DLG2: variants seen among roughly 807,000 people sequenced by gnomAD.
The protein encoded by DLG2 is disks large homolog 2.
Under a neutral mutation model 132.5 loss-of-function variants are expected in DLG2, and 45 were observed. That is an observed-to-expected ratio of 0.34 (90% CI 0.27 to 0.44). The LOEUF (loss-of-function observed/expected upper bound fraction) is 0.44, where lower values mean the gene tolerates loss of function less well. Among genes scored for constraint, DLG2 ranks in the 20% least tolerant of loss-of-function variants. The pLI is 1.00. For missense variants in DLG2, 1,045 were observed against 1,196.9 expected, an observed-to-expected ratio of 0.87 and a Z score of 1.87; for synonymous variants, 424 against 419.6, an observed-to-expected ratio of 1.01 and a Z score of -0.13.
chr11:84,223,264 G>A (rs756161854), intron 8 of DLG2, among the ~76,000 whole-genome samples: 2 of 152,130 alleles, frequency 1.3e-5, no homozygotes, highest in African/African-American at 2.4e-5. Flanking sequence ...TCATGGAATC[G>A]AGTAAAATGC....
chr11:85,059,363 A>AC lies in DLG2; in HGVS notation c.357+52297dup, dbSNP rs1239114093. On this transcript the variant is annotated intron_variant, in intron 6 of 27. Coordinates refer to ENST00000376104, the MANE Select transcript of DLG2 (RefSeq NM_001142699.3). ...TTTGGAAAACTCTATAAAATTTTCTACTACAGTTAAACATATGCTTATTCT... is the reference window on the plus strand; with the variant it reads ...TTTGGAAAACTCTATAAAATTTTCTACCTACAGTTAAACATATGCTTATTCT... 5.3e-5 allele frequency among the ~76,000 whole-genome samples: 8 copies of AC among 151,708 alleles called. No individual in the cohort carries two copies. In the South Asian group the frequency reaches 1.7e-3, roughly 31 times the overall value.
In DLG2 at chr11:84,307,695, C is replaced by CAAAAAAAAAAAAAAAAAAAAAAA. The variant is rs1222486667; in HGVS notation, c.520-56405_520-56404insTTTTTTTTTTTTTTTTTTTTTTT. ...TGGGTGAAAGAGCGAGACGCAGTCT[C>CAAAAAAAAAAAAAAAAAAAAAAA]AAAAAAAAAAAAAAAAAAAAAGAAG... is the stretch of plus-strand genomic sequence containing the variant. On this transcript the variant is annotated intron_variant, in intron 7 of 27. Transcript: ENST00000376104. 1.4e-3 allele frequency among the ~76,000 whole-genome samples: 112 copies of CAAAAAAAAAAAAAAAAAAAAAAA among 77,974 alleles called. 2 individuals are homozygous for CAAAAAAAAAAAAAAAAAAAAAAA. The highest frequency in any genetic ancestry group is 2.2e-3 in the Non-Finnish European group (86 of 38,448). The allele number at this position is 77,974 out of a possible 152,430, so 51.2% of individuals were successfully genotyped here. A position where few individuals can be genotyped will look rare whatever the true frequency, so the allele number is the denominator to read the frequency against.
chr11:84,620,868 A>T (rs2099612628), intron 6 of DLG2, among the ~76,000 whole-genome samples: 1 of 152,292 alleles, frequency 6.6e-6, no homozygotes, highest in East Asian at 1.9e-4. Context: ...TTGTGTACTG[A>T]TACCAATAAA....
chr11:83,844,988 T>C (rs2058343919), intron 16 of DLG2, among the ~76,000 whole-genome samples: 2 of 152,160 alleles, frequency 1.3e-5, no homozygotes, highest in South Asian at 2.1e-4. Flanking sequence ...AGTAGTTACA[T>C]TTTGCATCAT....
chr11:84,530,479 C>G (rs1156486713), intron 7 of DLG2, among the ~76,000 whole-genome samples: 1 of 152,098 alleles, frequency 6.6e-6, no homozygotes, highest in African/African-American at 2.4e-5. Context: ...TGAGCAGACA[C>G]TTTTCAAAAG....
intron 4 of DLG2, among the ~76,000 whole-genome samples, chr11:85,206,017 T>C (rs1445463853): frequency 1.3e-5 from 2 of 152,032 alleles, no homozygotes; most frequent in Admixed American, 6.6e-5. Flanking sequence ...GTGTTGGAGG[T>C]GGGGACGGGT....
chr11:84,901,500 T>G (rs1437533774), intron 6 of DLG2, among the ~76,000 whole-genome samples: 2 of 152,032 alleles, frequency 1.3e-5, no homozygotes, highest in African/African-American at 2.4e-5. Context: ...TCTTGAGACT[T>G]AGAAAAATGA....
chr11:84,937,621 C>T (rs2048906139), intron 6 of DLG2, among the ~76,000 whole-genome samples: 1 of 152,018 alleles, frequency 6.6e-6, no homozygotes, highest in Admixed American at 6.6e-5. Flanking sequence ...TGAGGAAAGG[C>T]ATTTCTTACC....
chr11:85,046,383 T>A (rs1347338768), intron 6 of DLG2, among the ~76,000 whole-genome samples: 1 of 151,946 alleles, frequency 6.6e-6, no homozygotes, highest in Non-Finnish European at 1.5e-5. Context: ...GAAATGGAAT[T>A]ATGAGGATAG....
intron 21 of DLG2, among the ~76,000 whole-genome samples, chr11:83,503,473 TTAAG>T (rs1293245636): frequency 6.7e-5 from 9 of 134,298 alleles, no homozygotes; most frequent in Non-Finnish European, 1.3e-4. Flanking sequence ...ACATATATTA[TTAAG>T]TATTAACTTA....
chr11:85,127,761 C>A (rs1006773898), intron 5 of DLG2, among the ~76,000 whole-genome samples: 3 of 152,186 alleles, frequency 2.0e-5, no homozygotes, highest in Admixed American at 6.5e-5. Flanking sequence ...ATTTTCTCTA[C>A]ATGAAGCTCT....
At chr11:84,524,679 G>A (rs192703701) in intron 7 of DLG2, among the ~76,000 whole-genome samples, 5 of 152,156 alleles carry the variant, frequency 3.3e-5, no homozygotes, top group Admixed American at 2.0e-4. Flanking sequence ...GAAATGAAAG[G>A]ATTTTACACT....
At chr11:83,764,217 A>G (rs1000200058) in intron 18 of DLG2, among the ~76,000 whole-genome samples, 2 of 152,176 alleles carry the variant, frequency 1.3e-5, no homozygotes, top group African/African-American at 2.4e-5. Flanking sequence ...ACAGGTGCAG[A>G]GCTGAGAAAA....
intron 18 of DLG2, among the ~76,000 whole-genome samples, chr11:83,675,713 C>T (rs2077564129): frequency 6.6e-6 from 1 of 152,186 alleles, no homozygotes; most frequent in African/African-American, 2.4e-5. Context: ...CTACTGGGCA[C>T]ATGGCTTCTG....
intron 6 of DLG2, among the ~76,000 whole-genome samples, chr11:85,001,861 T>A (rs1035723873): frequency 6.6e-6 from 1 of 152,206 alleles, no homozygotes; most frequent in Non-Finnish European, 1.5e-5. Flanking sequence ...AAGGAGTATA[T>A]GGGAAATCTC....
In DLG2 at chr11:83,472,726, C is replaced by A. The variant is rs770364957; in HGVS notation, c.2344+1G>T. The A allele has an allele frequency of 6.2e-7, 1 of 1,611,000 alleles. No homozygotes were observed. The highest frequency in any genetic ancestry group is 1.7e-5 in the Admixed American group (1 of 59,296). The stretch of plus-strand genomic sequence containing the variant: ...GAATGAAAGCGTGCTGGGAAACTTA[C>A]TTTCCTGCCTTGTAACAGGCTCATA... On this transcript the variant is annotated splice_donor_variant, in intron 23 of 27. Transcript: ENST00000376104. LOFTEE classifies it high-confidence loss of function.
chr11:84,946,724 G>C (rs962966189), intron 6 of DLG2, among the ~76,000 whole-genome samples: 3 of 152,110 alleles, frequency 2.0e-5, no homozygotes, highest in African/African-American at 7.2e-5. Context: ...CCTAGCTGGT[G>C]TATCACTAGG....
intron 10 of DLG2, among the ~76,000 whole-genome samples, chr11:84,074,718 C>A (rs1292539676): frequency 2.6e-5 from 4 of 151,704 alleles, no homozygotes. Context: ...TTAGTACAGA[C>A]GGGGTTTCAC....
chr11:84,399,766 C>T (rs190941553), intron 7 of DLG2, among the ~76,000 whole-genome samples: 1 of 152,274 alleles, frequency 6.6e-6, no homozygotes, highest in East Asian at 1.9e-4. Flanking sequence ...GAACATAAGA[C>T]ATTGGACTAT....
Sources: allele counts gnomAD v4.1 joint callset (sites outside exome capture counted in the v4.1 genomes callset), GRCh38; gene constraint gnomAD v4.1.1; transcripts MANE v1.5; gene names NCBI Gene and HGNC (gene_info 2026-07-23, HGNC 2026-07-21).